Variants in S100Z observed in about 807,000 individuals in gnomAD.
The protein encoded by S100Z is S100 calcium binding protein Z.
S100Z carries 11 observed loss-of-function variants against 8.5 expected under a neutral mutation model. The ratio of observed to expected loss-of-function variants is 1.30; its 90% CI spans 0.82 to 2.15. The LOEUF (loss-of-function observed/expected upper bound fraction) is 2.15, where lower values mean the gene tolerates loss of function less well. Ranked by LOEUF, S100Z falls within the 30% of genes most tolerant of loss-of-function variation. The pLI is 0.00. For synonymous variants in S100Z, 34 were observed against 43.8 expected, an observed-to-expected ratio of 0.78 and a Z score of 0.89; for missense variants, 126 against 117.9, an observed-to-expected ratio of 1.07 and a Z score of -0.32.
intron 1 of S100Z, among the ~76,000 whole-genome samples, chr5:76,863,095 A>G (rs1362964766): frequency 6.6e-6 from 1 of 152,226 alleles, no homozygotes; most frequent in Non-Finnish European, 1.5e-5. Flanking sequence ...CACTTTCTGT[A>G]GTTCCTGGAG....
At chr5:76,924,903 A>G (rs1745110235), downstream of S100Z, among the ~76,000 whole-genome samples, 1 of 117,426 alleles carries the variant, frequency 8.5e-6, no homozygotes. Context: ...ACAGAGCGAG[A>G]CTCTGTCTCA....
chr5:76,912,362 C>T (rs2150681401), intron 4 of S100Z, among the ~76,000 whole-genome samples: 1 of 152,328 alleles, frequency 6.6e-6, no homozygotes, highest in Non-Finnish European at 1.5e-5. Flanking sequence ...CCGAGATGAT[C>T]TCTTAGAAGT....
At chr5:76,881,040 G>A (rs1256154893) in intron 4 of S100Z, among the ~76,000 whole-genome samples, 1 of 152,120 alleles carries the variant, frequency 6.6e-6, no homozygotes. Context: ...CATAAAAATG[G>A]GGACAAGAAT....
chr5:76,918,812 T>C (rs1361375790), intron 4 of S100Z, among the ~76,000 whole-genome samples: 1 of 152,224 alleles, frequency 6.6e-6, no homozygotes, highest in East Asian at 1.9e-4. Context: ...CACAATACCT[T>C]CACTGCCCTA....
rs190520401 is a variant in S100Z at position 76,863,631 on chromosome 5, C to A, written c.-175-6535C>A. On this transcript the variant is annotated intron_variant, in intron 1 of 4. Transcript: ENST00000317593. ...TCGGCTCACTGCAAGCTCCGCCTCCCGGGTTCACGCCATTCTCCTGCCTCA... is the reference window on the plus strand; with the variant it reads ...TCGGCTCACTGCAAGCTCCGCCTCCAGGGTTCACGCCATTCTCCTGCCTCA... 6.3e-3 allele frequency among the ~76,000 whole-genome samples: 962 copies of A among 152,088 alleles called. 5 individuals carry two copies. The highest frequency in any genetic ancestry group is 0.014 in the Middle Eastern group (4 of 294).
At chr5:76,940,903 CT>C in the S100Z span, among the ~76,000 whole-genome samples, 1 of 152,188 alleles carries the variant, frequency 6.6e-6, no homozygotes, top group Admixed American at 6.5e-5. Context: ...TTTTGATGAT[CT>C]TGACAATTTT....
At chr5:76,934,110 G>C in the S100Z span, among the ~76,000 whole-genome samples, 2 of 152,198 alleles carry the variant, frequency 1.3e-5, no homozygotes, top group South Asian at 4.1e-4. Context: ...ATTAGTGACA[G>C]AGGAAGAATT....
At chr5:76,880,499 C>A (rs183109241) in intron 4 of S100Z, among the ~76,000 whole-genome samples, 2 of 152,036 alleles carry the variant, frequency 1.3e-5, no homozygotes, top group African/African-American at 4.8e-5. Context: ...TGAGATTAAG[C>A]TGAAGGAAGA....
chr5:76,939,245 C>T, the S100Z span, among the ~76,000 whole-genome samples: 28 of 151,422 alleles, frequency 1.8e-4, no homozygotes, highest in African/African-American at 6.6e-4. Context: ...CTCCGCCTCC[C>T]GGGTTCATGC....
At chr5:76,915,258 T>C (rs901510369) in intron 4 of S100Z, among the ~76,000 whole-genome samples, 1 of 148,494 alleles carries the variant, frequency 6.7e-6, no homozygotes, top group Non-Finnish European at 1.5e-5. Flanking sequence ...TGAGCTGAGA[T>C]TGTGCCACTG....
the S100Z span, among the ~76,000 whole-genome samples, chr5:76,948,627 GACA>G: frequency 6.6e-6 from 1 of 152,018 alleles, no homozygotes; most frequent in African/African-American, 2.4e-5. Context: ...TCCACGACGA[GACA>G]TCACCTCGAA....
chr5:76,935,429 G>A, the S100Z span, among the ~76,000 whole-genome samples: 4 of 152,124 alleles, frequency 2.6e-5, no homozygotes, highest in African/African-American at 9.7e-5. Flanking sequence ...TCACAGACAG[G>A]AATAGTGTGC....
rs70982653 is a variant in S100Z at position 76,859,768 on chromosome 5, C to CAAAAAAAA, written c.-176+9623_-176+9630dup. ...TGCACTACAGCCAGGGCAACAGAGCCAAAAAAAAAAAAAAAAAGAAATAAG... is the reference window on the plus strand; with the variant it reads ...TGCACTACAGCCAGGGCAACAGAGCCAAAAAAAAAAAAAAAAAAAAAAAAAGAAATAAG... On this transcript the variant is annotated intron_variant, in intron 1 of 4. Transcript: ENST00000317593. Among the ~76,000 whole-genome samples the CAAAAAAAA allele has an allele frequency of 9.7e-3, 946 of 97,496 alleles. 30 individuals carry two copies. Among genetic ancestry groups the CAAAAAAAA allele is most frequent in the African/African-American group, 0.031 (802 of 25,572 alleles). 64.0% of individuals were successfully genotyped at this position (97,496 alleles called of 152,430 possible). A position where few individuals can be genotyped will look rare whatever the true frequency, so the allele number is the denominator to read the frequency against.
the S100Z span, among the ~76,000 whole-genome samples, chr5:76,942,944 A>C: frequency 2.6e-5 from 4 of 152,254 alleles, no homozygotes; most frequent in Admixed American, 2.6e-4. Context: ...GGCTTAAAAC[A>C]ACAGTCATTT....
At chr5:76,896,858 C>A (rs976890951) in intron 4 of S100Z, among the ~76,000 whole-genome samples, 2 of 152,126 alleles carry the variant, frequency 1.3e-5, no homozygotes, top group East Asian at 1.9e-4. Flanking sequence ...CTATTTAAAT[C>A]TTTTGCCTAC....
chr5:76,871,956 G>T (rs1484953260), intron 2 of S100Z, among the ~76,000 whole-genome samples: 2 of 152,176 alleles, frequency 1.3e-5, no homozygotes, highest in African/African-American at 4.8e-5. Flanking sequence ...CCAAATTTTG[G>T]CCAGGTACAG....
At chr5:76,930,920 G>A in the S100Z span, among the ~76,000 whole-genome samples, 11,275 of 152,168 alleles carry the variant, frequency 0.074, 437 homozygotes, top group Middle Eastern at 0.12. Context: ...GAGGTTTTGT[G>A]GAAATGGACA....
intron 1 of S100Z, among the ~76,000 whole-genome samples, chr5:76,867,909 A>G (rs553722368): frequency 5.7e-4 from 86 of 152,144 alleles, no homozygotes; most frequent in African/African-American, 2.0e-3. Context: ...GCTCCCCCCA[A>G]ATCTGATCAT....
intron 4 of S100Z, among the ~76,000 whole-genome samples, chr5:76,878,823 A>G (rs1302336949): frequency 1.3e-5 from 2 of 152,218 alleles, no homozygotes; most frequent in African/African-American, 4.8e-5. Context: ...GATGAAGAGA[A>G]GCAGCTGAAT....
Sources: allele counts gnomAD v4.1 joint callset (sites outside exome capture counted in the v4.1 genomes callset), GRCh38; gene constraint gnomAD v4.1.1; transcripts MANE v1.5; gene names NCBI Gene and HGNC (gene_info 2026-07-23, HGNC 2026-07-21).